CSMD3: variants seen among roughly 807,000 people sequenced by gnomAD.
CSMD3 encodes CUB and sushi domain-containing protein 3.
CSMD3 carries 177 observed loss-of-function variants against 435.2 expected under a neutral mutation model. The observed-to-expected ratio is 0.41, with a 90% CI of 0.36 to 0.46. The LOEUF (loss-of-function observed/expected upper bound fraction) is 0.46. CSMD3 is among the 20% of genes least tolerant of loss of function. The pLI, the probability that CSMD3 is intolerant of heterozygous loss-of-function variation, is 0.34. For synonymous variants in CSMD3, 1,656 were observed against 1,520.5 expected (o/e 1.09, Z -2.07); for missense variants, 4,265 against 4,504.6 (o/e 0.95, Z 1.52).
chr8:112,647,255 T>A (rs2075005238), intron 19 of CSMD3, among the ~76,000 whole-genome samples: 1 of 151,924 alleles, frequency 6.6e-6, no homozygotes, highest in South Asian at 2.1e-4. Flanking sequence ...TTCAAGGGCA[T>A]CCTTTATTTT....
intron 3 of CSMD3, among the ~76,000 whole-genome samples, chr8:113,193,769 G>A (rs539766647): frequency 2.6e-5 from 4 of 151,370 alleles, no homozygotes; most frequent in African/African-American, 9.7e-5. Flanking sequence ...GTAGGTTACC[G>A]ACTTTAAAAC....
At chr8:112,430,910 G>GTGTGTGTA (rs1554676744) in intron 32 of CSMD3, among the ~76,000 whole-genome samples, 2,649 of 151,876 alleles carry the variant, frequency 0.017, 74 homozygotes, top group African/African-American at 0.06. Flanking sequence ...GTGTGTGTGT[G>GTGTGTGTA]TGTGTGTGTG....
intron 15 of CSMD3, among the ~76,000 whole-genome samples, chr8:112,683,332 C>T (rs1234277091): frequency 6.6e-6 from 1 of 151,910 alleles, no homozygotes. Flanking sequence ...TGCCTAATGT[C>T]ATAGAAATAG....
At chr8:113,019,531 TTTA>T (rs1337850928) in intron 5 of CSMD3, among the ~76,000 whole-genome samples, 10 of 148,400 alleles carry the variant, frequency 6.7e-5, no homozygotes, top group Non-Finnish European at 1.3e-4. Flanking sequence ...TTATATATTG[TTTA>T]TTATTTATTA....
intron 2 of CSMD3, among the ~76,000 whole-genome samples, chr8:113,308,204 C>T (rs1381064234): frequency 2.1e-5 from 3 of 145,822 alleles, no homozygotes; most frequent in Non-Finnish European, 4.5e-5. Flanking sequence ...TGACATGTAG[C>T]AACACATTAA....
intron 12 of CSMD3, among the ~76,000 whole-genome samples, chr8:112,823,246 T>C (rs2079578315): frequency 6.6e-6 from 1 of 152,224 alleles, no homozygotes; most frequent in Admixed American, 6.5e-5. Flanking sequence ...AGAATTTGGC[T>C]GTGAATCCAT....
intron 17 of CSMD3, 85 bp from the exon 18 acceptor site, chr8:112,656,426 T>C: frequency 3.0e-6 from 3 of 997,788 alleles, no homozygotes; most frequent in Admixed American, 5.5e-5. Context: ...TTTAAATTCC[T>C]ATTTAAAATT....
At chr8:113,422,595 C>G (rs1445980612) in intron 1 of CSMD3, among the ~76,000 whole-genome samples, 2 of 151,996 alleles carry the variant, frequency 1.3e-5, no homozygotes, top group Admixed American at 6.6e-5. Context: ...ACAATATCAC[C>G]CTCAAGTTAA....
intron 13 of CSMD3, among the ~76,000 whole-genome samples, chr8:112,709,712 C>G (rs141506092): frequency 1.3e-5 from 2 of 151,854 alleles, no homozygotes; most frequent in East Asian, 3.9e-4. Context: ...CTGTTTTAGG[C>G]AAAGTAAATA....
intron 27 of CSMD3, among the ~76,000 whole-genome samples, chr8:112,535,118 G>T (rs570085848): frequency 0.017 from 2,590 of 152,062 alleles, 73 homozygotes; most frequent in African/African-American, 0.059. Flanking sequence ...CACAAGACAG[G>T]GATGCCCTCT....
intron 1 of CSMD3, among the ~76,000 whole-genome samples, chr8:113,394,159 TACACACACACACACAC>T (rs3080772): frequency 7.3e-6 from 1 of 137,158 alleles, no homozygotes; most frequent in African/African-American, 2.6e-5. Flanking sequence ...TTTGTTGAAT[TACACACACACACACAC>T]ACACACACAC....
In CSMD3 at chr8:112,263,649, C is replaced by T. The variant is rs16883323; in HGVS notation, c.9852G>A (p.Pro3284=). 9,128 of 1,612,876 alleles carry T rather than the reference C, an allele frequency of 5.7e-3. 446 individuals are homozygous for T. In the African/African-American group the frequency reaches 0.1, roughly 18 times the overall value. ...VGNGTWSGEV[P]QCLPKFCGDP... ...AGAAATCATACTTACGTAAGCACTG[C>T]GGTACTTCACCACTCCAGGTACCAT... is the stretch of plus-strand genomic sequence containing the variant. The change falls in exon 61 of 71, where the codon CCG becomes CCA. Residue 3284 remains proline, a synonymous_variant. Coordinates refer to ENST00000297405, the MANE Select transcript of CSMD3 (RefSeq NM_198123.2).
chr8:112,677,435 A>C (rs2075793213), intron 16 of CSMD3, among the ~76,000 whole-genome samples: 1 of 150,882 alleles, frequency 6.6e-6, no homozygotes, highest in South Asian at 2.1e-4. Flanking sequence ...AAAAAAATCA[A>C]AGTAAAAATC....
chr8:113,250,722 G>T (rs978949873), intron 3 of CSMD3, among the ~76,000 whole-genome samples: 1 of 152,064 alleles, frequency 6.6e-6, no homozygotes, highest in African/African-American at 2.4e-5. Context: ...TAATTGATTG[G>T]ATTCAGTAGA....
At chr8:113,302,216 A>G (rs2093774460) in intron 2 of CSMD3, among the ~76,000 whole-genome samples, 1 of 82,682 alleles carries the variant, frequency 1.2e-5, no homozygotes, top group Non-Finnish European at 2.7e-5. Flanking sequence ...TCTCACCTGT[A>G]TATATAATAT....
At chr8:113,248,652 C>T (rs2093304343) in intron 3 of CSMD3, among the ~76,000 whole-genome samples, 1 of 150,530 alleles carries the variant, frequency 6.6e-6, no homozygotes, top group Non-Finnish European at 1.5e-5. Context: ...CTGAGCAGTT[C>T]TGGGTCAGAT....
intron 27 of CSMD3, among the ~76,000 whole-genome samples, chr8:112,535,692 A>C (rs1308002699): frequency 6.6e-6 from 1 of 152,152 alleles, no homozygotes; most frequent in Admixed American, 6.6e-5. Context: ...ATATGGAACC[A>C]AAAAAGAGCC....
At chr8:113,398,116 C>T (rs2094492791) in intron 1 of CSMD3, among the ~76,000 whole-genome samples, 1 of 152,136 alleles carries the variant, frequency 6.6e-6, no homozygotes, top group African/African-American at 2.4e-5. Flanking sequence ...ATATTGGAAA[C>T]TCTCCCCATC....
At chr8:112,837,171 A>G (rs2080050692) in intron 11 of CSMD3, among the ~76,000 whole-genome samples, 1 of 151,856 alleles carries the variant, frequency 6.6e-6, no homozygotes, top group Non-Finnish European at 1.5e-5. Flanking sequence ...AAAAAAATAT[A>G]GAAAGCATCT....
Sources: allele counts gnomAD v4.1 joint callset (sites outside exome capture counted in the v4.1 genomes callset), GRCh38; gene constraint gnomAD v4.1.1; transcripts MANE v1.5; gene names NCBI Gene and HGNC (gene_info 2026-07-23, HGNC 2026-07-21).